Variants in ABCA12 observed in about 807,000 individuals in gnomAD.
The protein encoded by ABCA12 is ATP binding cassette subfamily A member 12, also known as glucosylceramide transporter ABCA12.
ABCA12 carries 156 observed loss-of-function variants against 293.5 expected under a neutral mutation model. The ratio of observed to expected loss-of-function variants is 0.53; its 90% CI spans 0.47 to 0.61. ABCA12 has a LOEUF of 0.61. ABCA12 is among the 20% of genes least tolerant of loss of function. The probability of loss-of-function intolerance (pLI) is 0.00; values close to 1 mark genes in which losing one functional copy is unlikely to be tolerated. For missense variants in ABCA12, 2,797 were observed against 3,090.2 expected (o/e 0.91, Z 2.25); for synonymous variants, 1,063 against 1,108.0 (o/e 0.96, Z 0.81).
intron 2 of ABCA12, among the ~76,000 whole-genome samples, chr2:215,087,487 C>CGTGTGT (rs3050135): frequency 0.83 from 124,804 of 149,574 alleles, 54,010 homozygotes; most frequent in Non-Finnish European, 0.95. Context: ...ATACAGGCTT[C>CGTGTGT]GTGTGTGTGT....
chr2:215,117,321 G>A (rs1015955568), intron 1 of ABCA12, among the ~76,000 whole-genome samples: 1 of 152,152 alleles, frequency 6.6e-6, no homozygotes, highest in Non-Finnish European at 1.5e-5. Context: ...TTGAGGTTTG[G>A]AGAATTAATG....
chr2:214,990,611 A>G (rs1418067261), intron 24 of ABCA12, 91 bp downstream of exon 24: 2 of 1,328,008 alleles, frequency 1.5e-6, no homozygotes, highest in Non-Finnish European at 2.1e-6. Flanking sequence ...AATTAAGATA[A>G]GTGAACTTTC....
intron 39 of ABCA12, among the ~76,000 whole-genome samples, chr2:214,960,911 G>A (rs1217444015): frequency 6.6e-6 from 1 of 152,042 alleles, no homozygotes; most frequent in Non-Finnish European, 1.5e-5. Flanking sequence ...CACATGAATA[G>A]AATAGATATT....
intron 2 of ABCA12, among the ~76,000 whole-genome samples, chr2:215,103,105 C>A (rs1177494879): frequency 1.3e-5 from 2 of 152,080 alleles, no homozygotes; most frequent in African/African-American, 4.8e-5. Flanking sequence ...TTTCACATTG[C>A]AATAGTTTCT....
intron 2 of ABCA12, 132 bp downstream of exon 2, chr2:215,111,465 G>T: frequency 4.8e-6 from 3 of 629,186 alleles, no homozygotes; most frequent in Admixed American, 6.2e-5. Flanking sequence ...CACACAAATT[G>T]TTCATATTAA....
At position 215,018,024 on chromosome 2, in the gene ABCA12, G is replaced by A; in HGVS notation, c.1766C>T (p.Pro589Leu). The change falls in exon 14 of 53, where the codon CCT becomes CTT. Residue 589 changes from proline (P) to leucine (L), a missense_variant. Pro to Leu is a moderately conservative substitution (Grantham distance 98, BLOSUM62 -3). Around this residue, in one of 3 missense-constraint regions of ABCA12, gnomAD observed 2,130 missense variants for 2,427.0 expected, o/e 0.88. Transcript: ENST00000272895. ...ACACCCCACCTCAGCTCTATTATCA[G>A]GGATGGGAATGGCCAGCAACTTGTC... ...TIDKLLAIPIPDNRAEIISQV... is the reference protein window; with the variant it reads ...TIDKLLAIPILDNRAEIISQV... 1.9e-6 allele frequency: 3 copies of A among 1,614,090 alleles called. No individual in the cohort carries two copies. Among genetic ancestry groups the A allele is most frequent in the Non-Finnish European group, 2.5e-6 (3 of 1,180,008 alleles).
chr2:214,976,918 G>T (rs1409019818), intron 33 of ABCA12, among the ~76,000 whole-genome samples: 3 of 152,092 alleles, frequency 2.0e-5, no homozygotes, highest in Non-Finnish European at 4.4e-5. Context: ...ACCTTCATAG[G>T]TGATAAAATG....
At chr2:214,945,700 T>C (rs1223983107) in intron 48 of ABCA12, among the ~76,000 whole-genome samples, 1 of 152,180 alleles carries the variant, frequency 6.6e-6, no homozygotes, top group Non-Finnish European at 1.5e-5. Flanking sequence ...TAGCAGTAGA[T>C]AATCTAAACA....
chr2:214,963,923 C>CAAAAAAAAA (rs71041974), intron 39 of ABCA12, among the ~76,000 whole-genome samples: 1 of 59,886 alleles, frequency 1.7e-5, no homozygotes. Context: ...GACTCTGCCT[C>CAAAAAAAAA]AAAAAAAAAA....
In ABCA12 at chr2:214,949,091, G is replaced by C. The variant is rs2105925141; in HGVS notation, c.6911C>G (p.Thr2304Arg). Residue 2304 changes from threonine (T) to arginine (R), a missense_variant, in exon 46 of 53, where the codon ACA becomes AGA. By Grantham distance (71) the Thr-to-Arg change is moderately conservative (BLOSUM62 -1). Coordinates refer to ENST00000272895, the MANE Select transcript of ABCA12 (RefSeq NM_173076.3). ...AGKTTIFKML[T>R]GDIIPSSGNI... ...TCCACTTGAAGGAATGATGTCTCCTGTCAGCATCTTGAATATAGTGGTCTT... is the reference window on the plus strand; with the variant it reads ...TCCACTTGAAGGAATGATGTCTCCTCTCAGCATCTTGAATATAGTGGTCTT... 1 of 1,613,716 alleles carries C rather than the reference G, an allele frequency of 6.2e-7. No individual in the cohort carries two copies. Among genetic ancestry groups the C allele is most frequent in the African/African-American group, 1.3e-5 (1 of 74,930 alleles).
At chr2:215,025,628 G>GTTTTTT in intron 11 of ABCA12, 45 bp downstream of exon 11, 3 of 1,203,780 alleles carry the variant, frequency 2.5e-6, no homozygotes, top group Middle Eastern at 2.4e-4. Context: ...TTGTCTTTTT[G>GTTTTTT]TTTTTTTTTT....
chr2:215,001,032 AT>A lies in ABCA12; in HGVS notation c.2864-13del. On this transcript the variant is annotated splice_polypyrimidine_tract_variant and intron_variant, in intron 21 of 52. Transcript: ENST00000272895. ...CTTAAAAATAACACCTAAAAATAAA[AT>A]GGCAACAACAGCAGAAAGGTTATTT... The A allele has an allele frequency of 6.2e-7, 1 of 1,613,014 alleles. No individual in the cohort carries two copies. Among genetic ancestry groups the A allele is most frequent in the Non-Finnish European group, 8.5e-7 (1 of 1,179,278 alleles).
intron 2 of ABCA12, among the ~76,000 whole-genome samples, chr2:215,106,806 C>A (rs747757414): frequency 2.0e-5 from 3 of 150,308 alleles, no homozygotes; most frequent in African/African-American, 4.9e-5. Context: ...TTTACCAAAG[C>A]TGTTGAGTAA....
rs139523789 is a variant in ABCA12, at chr2:215,000,587, T to C, written c.3179+118A>G. The C allele has an allele frequency of 1.3e-4, 155 of 1,181,056 alleles. No homozygotes were observed. In the African/African-American group the frequency reaches 2.0e-3, roughly 15 times the overall value. The allele number at this position is 1,181,056 out of a possible 1,614,324, so 73.2% of individuals were successfully genotyped here. On this transcript the variant is annotated intron_variant, in intron 22 of 52. Transcript: ENST00000272895. ...TGTGAACTCTTTCTCAAAACAAGCATATTACAAAAGTTTGGTGAATGTTGT... is the reference window on the plus strand; with the variant it reads ...TGTGAACTCTTTCTCAAAACAAGCACATTACAAAAGTTTGGTGAATGTTGT...
intron 19 of ABCA12, among the ~76,000 whole-genome samples, chr2:215,006,223 A>C (rs1246029381): frequency 6.6e-6 from 1 of 152,154 alleles, no homozygotes; most frequent in African/African-American, 2.4e-5. Flanking sequence ...TCTTAAGAAA[A>C]TCATATGTGG....
chr2:215,124,445 C>T (rs1316794145), intron 1 of ABCA12, among the ~76,000 whole-genome samples: 1 of 152,128 alleles, frequency 6.6e-6, no homozygotes, highest in Non-Finnish European at 1.5e-5. Flanking sequence ...AGAAGTGTTC[C>T]CTGTTCACCT....
At chr2:214,950,829 C>T (rs1698742343) in intron 45 of ABCA12, 50 bp downstream of exon 45, 2 of 1,574,114 alleles carry the variant, frequency 1.3e-6, no homozygotes, top group Admixed American at 1.7e-5. Flanking sequence ...TAATTTGTCA[C>T]ATAGTATGCC....
At chr2:215,001,433 A>G in intron 21 of ABCA12, 125 bp downstream of exon 21, 2 of 1,156,910 alleles carry the variant, frequency 1.7e-6, no homozygotes, top group Non-Finnish European at 2.6e-6. Context: ...TCTCTTTTCT[A>G]AGGACATCAG....
intron 2 of ABCA12, among the ~76,000 whole-genome samples, chr2:215,081,845 A>G (rs1701948907): frequency 6.6e-6 from 1 of 152,138 alleles, no homozygotes; most frequent in Non-Finnish European, 1.5e-5. Context: ...ATTTCCCTAT[A>G]AAACAATTAA....
Sources: allele counts gnomAD v4.1 joint callset (sites outside exome capture counted in the v4.1 genomes callset), GRCh38; gene constraint gnomAD v4.1.1; regional missense constraint gnomAD v4.1.1; transcripts MANE v1.5; gene names NCBI Gene and HGNC (gene_info 2026-07-23, HGNC 2026-07-21).